Variants in WWC1 observed in about 807,000 individuals in gnomAD.
The protein encoded by WWC1 is protein KIBRA.
Under a neutral mutation model 138.4 loss-of-function variants are expected in WWC1, and 55 were observed. The observed-to-expected ratio is 0.40, with a 90% CI of 0.32 to 0.50. The LOEUF (loss-of-function observed/expected upper bound fraction) is 0.50. Ranked by LOEUF, WWC1 falls within the 20% of genes least tolerant of loss-of-function variation. The pLI, the probability that WWC1 is intolerant of heterozygous loss-of-function variation, is 0.72. For synonymous variants in WWC1, 524 were observed against 564.9 expected (o/e 0.93, Z 1.03); for missense variants, 1,226 against 1,420.4 (o/e 0.86, Z 2.20).
At position 168,462,007 on chromosome 5, in the gene WWC1, G is replaced by A. The variant is rs1756855824; in HGVS notation, c.2916+1265G>A. On this transcript the variant is annotated intron_variant, in intron 20 of 22. Coordinates refer to ENST00000265293, the MANE Select transcript of WWC1 (RefSeq NM_015238.3). ...GGAGGCGGAGGTTGCAGTGAGCCGA[G>A]ATCGCGCCGTTGCACTCCAGCTGGG... Among the ~76,000 whole-genome samples, 5 of 151,590 alleles carry A rather than the reference G, an allele frequency of 3.3e-5. No homozygotes were observed. In the South Asian group the frequency reaches 1.0e-3, roughly 32 times the overall value.
intron 17 of WWC1, among the ~76,000 whole-genome samples, chr5:168,448,871 C>T (rs554378297): frequency 1.3e-5 from 2 of 151,998 alleles, no homozygotes; most frequent in Non-Finnish European, 2.9e-5. Context: ...TGCCCACCTC[C>T]ACCTCCCAAA....
Position 168,397,767 on chromosome 5 carries a change from C to T in WWC1, c.477C>T (p.Ile159=). The T allele has an allele frequency of 6.2e-7, 1 of 1,614,024 alleles. No homozygotes were observed. Among genetic ancestry groups the T allele is most frequent in the Non-Finnish European group, 8.5e-7 (1 of 1,179,956 alleles). ...CCAGCTCCAAGTATGACCCTGAGATCCTGAAAGCTGAAATTGCCACTGCAA... is the reference window on the plus strand; with the variant it reads ...CCAGCTCCAAGTATGACCCTGAGATTCTGAAAGCTGAAATTGCCACTGCAA... ...SSSSSKYDPE[I]LKAEIATAKS... is the part of the protein sequence containing the mutation. The change falls in exon 4 of 23, where the codon ATC becomes ATT. Residue 159 remains isoleucine (I), a synonymous_variant. Transcript: ENST00000265293.
At chr5:168,303,778 G>C (rs76322554) in intron 1 of WWC1, among the ~76,000 whole-genome samples, 1 of 152,126 alleles carries the variant, frequency 6.6e-6, no homozygotes, top group Non-Finnish European at 1.5e-5. Flanking sequence ...ACTCCCCTGC[G>C]CTGAGCTGCT....
chr5:168,325,788 C>T (rs1473756952), intron 1 of WWC1, among the ~76,000 whole-genome samples: 4 of 152,070 alleles, frequency 2.6e-5, no homozygotes, highest in African/African-American at 9.7e-5. Flanking sequence ...CTTCCTACAC[C>T]CACTAAACAA....
At chr5:168,426,556 G>A (rs1781516744) in intron 11 of WWC1, among the ~76,000 whole-genome samples, 1 of 152,232 alleles carries the variant, frequency 6.6e-6, no homozygotes, top group African/African-American at 2.4e-5. Context: ...AGCAGGTTAT[G>A]TGATTAGTGC....
At chr5:168,355,154 G>C (rs1775297847) in intron 1 of WWC1, among the ~76,000 whole-genome samples, 1 of 152,110 alleles carries the variant, frequency 6.6e-6, no homozygotes. Context: ...AAAGTAATTG[G>C]GGGAGGGTGG....
At chr5:168,311,109 A>C (rs1211200609) in intron 1 of WWC1, among the ~76,000 whole-genome samples, 1 of 152,014 alleles carries the variant, frequency 6.6e-6, no homozygotes, top group African/African-American at 2.4e-5. Flanking sequence ...CATGCCCTAC[A>C]CTTTGCCATT....
At chr5:168,352,571 G>A (rs926980745) in intron 1 of WWC1, among the ~76,000 whole-genome samples, 5 of 150,508 alleles carry the variant, frequency 3.3e-5, no homozygotes, top group African/African-American at 1.2e-4. Context: ...CTGAAATGAG[G>A]ATTATATATA....
intron 1 of WWC1, among the ~76,000 whole-genome samples, chr5:168,364,533 C>A (rs536420534): frequency 6.6e-6 from 1 of 152,206 alleles, no homozygotes; most frequent in Non-Finnish European, 1.5e-5. Flanking sequence ...TCTTGTTCCC[C>A]GGCCAGACCC....
chr5:168,301,463 C>G (rs183302107), intron 1 of WWC1, among the ~76,000 whole-genome samples: 334 of 152,182 alleles, frequency 2.2e-3, no homozygotes, highest in Non-Finnish European at 3.3e-3. Context: ...TGGTGAAACA[C>G]CATCTCTACT....
rs530572464 is a variant in WWC1, at chr5:168,368,245, C to A, written c.120-3179C>A. Among the ~76,000 whole-genome samples, 11 of 152,210 alleles carry A rather than the reference C, an allele frequency of 7.2e-5. No individual in the cohort carries two copies. In the South Asian group the frequency reaches 2.3e-3, roughly 32 times the overall value. ...AGCTGGGATTACAGGTGTAAGCCAC[C>A]ACACCTGGCCAGAACACTTCATCTT... On this transcript the variant is annotated intron_variant, in intron 1 of 22. Coordinates refer to ENST00000265293, the MANE Select transcript of WWC1 (RefSeq NM_015238.3).
At chr5:168,329,878 G>C (rs748692545) in intron 1 of WWC1, among the ~76,000 whole-genome samples, 4 of 152,218 alleles carry the variant, frequency 2.6e-5, no homozygotes, top group African/African-American at 7.2e-5. Flanking sequence ...GGGAGGCTGA[G>C]GCAGGCGGAT....
chr5:168,324,399 C>A (rs571886969), intron 1 of WWC1, among the ~76,000 whole-genome samples: 2 of 152,124 alleles, frequency 1.3e-5, no homozygotes, highest in Non-Finnish European at 2.9e-5. Context: ...TGCCGCTATA[C>A]TCCAGCTTGG....
At chr5:168,403,911 C>CA (rs1779583800) in intron 5 of WWC1, among the ~76,000 whole-genome samples, 1 of 145,404 alleles carries the variant, frequency 6.9e-6, no homozygotes, top group East Asian at 2.0e-4. Flanking sequence ...CACACACACA[C>CA]TTTTCTTTCC....
intron 1 of WWC1, among the ~76,000 whole-genome samples, chr5:168,357,303 TAC>T (rs3083619): frequency 0.11 from 16,553 of 145,018 alleles, 918 homozygotes; most frequent in South Asian, 0.15. Context: ...CTTTCTCTCT[TAC>T]ACACACACAC....
At chr5:168,384,362 G>T (rs1050197513) in intron 2 of WWC1, among the ~76,000 whole-genome samples, 5 of 152,024 alleles carry the variant, frequency 3.3e-5, no homozygotes, top group Admixed American at 2.0e-4. Flanking sequence ...TATTATTATG[G>T]TTTTGTACAA....
chr5:168,305,234 T>C (rs1432489252), intron 1 of WWC1, among the ~76,000 whole-genome samples: 3 of 151,472 alleles, frequency 2.0e-5, no homozygotes, highest in Non-Finnish European at 4.4e-5. Context: ...TCCCAAAGTG[T>C]TGGGATTACA....
chr5:168,335,053 A>G (rs895354016), intron 1 of WWC1, among the ~76,000 whole-genome samples: 5 of 152,168 alleles, frequency 3.3e-5, no homozygotes, highest in African/African-American at 4.8e-5. Flanking sequence ...AAAAAAAAAT[A>G]AGATAAAAGG....
chr5:168,356,989 CATG>C (rs1775474773), intron 1 of WWC1, among the ~76,000 whole-genome samples: 1 of 152,114 alleles, frequency 6.6e-6, no homozygotes, highest in Non-Finnish European at 1.5e-5. Flanking sequence ...GGGAAATAAT[CATG>C]ATGGTCATGA....
Sources: allele counts gnomAD v4.1 joint callset (sites outside exome capture counted in the v4.1 genomes callset), GRCh38; gene constraint gnomAD v4.1.1; transcripts MANE v1.5; gene names NCBI Gene and HGNC (gene_info 2026-07-23, HGNC 2026-07-21).